Variants in RGPD8 observed in about 807,000 individuals in gnomAD.
RGPD8 encodes RANBP2-like and GRIP domain-containing protein 8.
A neutral mutation model predicts 89.1 loss-of-function variants in RGPD8; 15 were observed. The observed-to-expected ratio is 0.17, with a 90% CI of 0.11 to 0.26. RGPD8 has a LOEUF of 0.26. RGPD8 is among the 10% of genes least tolerant of loss of function. RGPD8 has a pLI of 1.00. For synonymous variants in RGPD8, 62 were observed against 420.9 expected (o/e 0.15, Z 10.44); for missense variants, 178 against 1,179.6 (o/e 0.15, Z 12.44).
intron 21 of RGPD8, among the ~76,000 whole-genome samples, chr2:112,380,621 C>T (rs1473510803): frequency 4.2e-5 from 6 of 141,972 alleles, no homozygotes. Flanking sequence ...CCACTGCACT[C>T]CAGCCTGGGT....
rs1049612767 is a variant in RGPD8 at position 112,429,453 on chromosome 2, T to G, written c.72+3929A>C. ...AAAAAAAAAAGAAAAGAAAAGAAAA[T>G]GTCTAAAATGGGAGAAAGGGAATTA... On this transcript the variant is annotated intron_variant, in intron 1 of 22. Coordinates refer to ENST00000302558, the MANE Select transcript of RGPD8 (RefSeq NM_001164463.1). 6.0e-3 allele frequency among the ~76,000 whole-genome samples: 629 copies of G among 104,114 alleles called. 4 individuals are homozygous for G. The highest frequency in any genetic ancestry group is 8.8e-3 in the Non-Finnish European group (428 of 48,386). 68.3% of individuals were successfully genotyped at this position (104,114 alleles called of 152,430 possible).
intron 1 of RGPD8, among the ~76,000 whole-genome samples, chr2:112,429,038 C>T (rs2104404678): frequency 6.6e-6 from 1 of 151,666 alleles, no homozygotes; most frequent in South Asian, 2.1e-4. Context: ...TTCATTTAAA[C>T]AAAAACTGCA....
chr2:112,370,357 G>T (rs1677923162), intron 22 of RGPD8, 145 bp from the exon 23 acceptor site: 2 of 412,264 alleles, frequency 4.9e-6, no homozygotes, highest in Non-Finnish European at 3.9e-6. Flanking sequence ...GTGGGGGGGG[G>T]GGTTCTTTTT....
At chr2:112,410,789 A>G (rs1231610032) in intron 7 of RGPD8, among the ~76,000 whole-genome samples, 2 of 151,768 alleles carry the variant, frequency 1.3e-5, no homozygotes, top group African/African-American at 4.9e-5. Context: ...ATAAAAATAA[A>G]AAGATTTATA....
At chr2:112,423,626 C>T (rs1679632205) in intron 2 of RGPD8, among the ~76,000 whole-genome samples, 1 of 142,726 alleles carries the variant, frequency 7.0e-6, no homozygotes, top group South Asian at 2.4e-4. Flanking sequence ...ATCGCTTGAG[C>T]CCAGAAGGCA....
intron 6 of RGPD8, among the ~76,000 whole-genome samples, chr2:112,413,700 CT>C (rs1679273445): frequency 7.8e-6 from 1 of 128,772 alleles, no homozygotes; most frequent in Non-Finnish European, 1.6e-5. Context: ...GTAGAGCTGA[CT>C]TTTTTTGTTT....
At chr2:112,430,417 C>T (rs1679976362) in intron 1 of RGPD8, among the ~76,000 whole-genome samples, 1 of 151,664 alleles carries the variant, frequency 6.6e-6, no homozygotes, top group Non-Finnish European at 1.5e-5. Flanking sequence ...CGCTGAAATC[C>T]CCAGGTTCTA....
Position 112,369,812 on chromosome 2 carries a change from TA to T in RGPD8, c.*365del, listed in dbSNP as rs1677896210. Among the ~76,000 whole-genome samples, 1 of 31,792 alleles carries T rather than the reference TA, an allele frequency of 3.1e-5. No homozygotes were observed. Among genetic ancestry groups the T allele is most frequent in the African/African-American group, 2.1e-4 (1 of 4,654 alleles). 20.9% of individuals were successfully genotyped at this position (31,792 alleles called of 152,430 possible). On this transcript the variant is annotated 3_prime_UTR_variant, in exon 23 of 23. Transcript: ENST00000302558. ...GTTGGTATGGTACCAAAATTTAGTT[TA>T]ACTTCAAAATTCACAGTACTGCCGA...
chr2:112,430,354 A>G (rs1457758725), intron 1 of RGPD8, among the ~76,000 whole-genome samples: 1 of 152,128 alleles, frequency 6.6e-6, no homozygotes, highest in African/African-American at 2.4e-5. Flanking sequence ...CTCAAACCTA[A>G]CTTTACAGAA....
At chr2:112,432,718 G>A (rs1037752829) in intron 1 of RGPD8, 23 of 985,102 alleles carry the variant, frequency 2.3e-5, no homozygotes, top group Non-Finnish European at 2.7e-5. Context: ...GGTACTACGG[G>A]GCCAGAAAGC....
intron 1 of RGPD8, chr2:112,432,744 C>T (rs1680101499): frequency 1.0e-6 from 1 of 985,170 alleles, no homozygotes; most frequent in South Asian, 4.7e-5. Context: ...CCAGGGCGAG[C>T]CCACGAGCGA....
At chr2:112,415,861 G>A (rs1300755810) in intron 6 of RGPD8, among the ~76,000 whole-genome samples, 8 of 147,142 alleles carry the variant, frequency 5.4e-5, no homozygotes, top group Admixed American at 1.3e-4. Context: ...CCAACCTGGC[G>A]AGAGCAAGAC....
intron 2 of RGPD8, among the ~76,000 whole-genome samples, chr2:112,423,899 T>C (rs1241293514): frequency 1.3e-5 from 2 of 152,252 alleles, no homozygotes; most frequent in Non-Finnish European, 2.9e-5. Context: ...TCATTGCTAT[T>C]TTCCATCTGA....
At chr2:112,410,851 C>T (rs565548688) in intron 7 of RGPD8, among the ~76,000 whole-genome samples, 53 of 152,384 alleles carry the variant, frequency 3.5e-4, no homozygotes, top group Non-Finnish European at 6.2e-4. Context: ...TTTGAGAGGC[C>T]GAGACGCGCA....
At chr2:112,426,719 C>T (rs1679783785) in intron 1 of RGPD8, among the ~76,000 whole-genome samples, 1 of 150,834 alleles carries the variant, frequency 6.6e-6, no homozygotes, top group Admixed American at 6.6e-5. Context: ...GCACTGGCGA[C>T]AGAGCAAGAC....
At chr2:112,373,449 T>C (rs1291696588) in intron 22 of RGPD8, among the ~76,000 whole-genome samples, 47 of 152,308 alleles carry the variant, frequency 3.1e-4, no homozygotes, top group African/African-American at 1.1e-3. Flanking sequence ...CCCCCTAAGC[T>C]AATGTTTCCC....
chr2:112,416,299 G>T (rs1429405410), intron 6 of RGPD8, among the ~76,000 whole-genome samples: 6 of 152,104 alleles, frequency 3.9e-5, no homozygotes, highest in Non-Finnish European at 8.8e-5. Flanking sequence ...ACCAATTTAG[G>T]ACACTATGTA....
At chr2:112,381,958 G>C (rs544296874) in intron 20 of RGPD8, among the ~76,000 whole-genome samples, 2 of 152,420 alleles carry the variant, frequency 1.3e-5, no homozygotes, top group South Asian at 4.1e-4. Context: ...TGTCTGTGAG[G>C]GTGTTGCCAA....
intron 20 of RGPD8, chr2:112,387,173 A>T (rs1678488507): frequency 3.3e-5 from 1 of 30,498 alleles, no homozygotes; most frequent in Non-Finnish European, 6.5e-5. Flanking sequence ...ACATTTTAGG[A>T]AACAAAATGA....
Sources: allele counts gnomAD v4.1 joint callset (sites outside exome capture counted in the v4.1 genomes callset), GRCh38; gene constraint gnomAD v4.1.1; transcripts MANE v1.5; gene names NCBI Gene and HGNC (gene_info 2026-07-23, HGNC 2026-07-21).